The following SPEN variants were observed in gnomAD, a reference collection of about 807,000 sequenced individuals.
SPEN encodes msx2-interacting protein.
Under a neutral mutation model 269.9 loss-of-function variants are expected in SPEN, and 18 were observed. The ratio of observed to expected loss-of-function variants is 0.07; its 90% CI spans 0.05 to 0.10. SPEN has a LOEUF of 0.10. Ranked by LOEUF, SPEN falls within the 10% of genes least tolerant of loss-of-function variation. The pLI is 1.00. For synonymous variants in SPEN, 1,726 were observed against 1,765.7 expected (o/e 0.98, Z 0.56); for missense variants, 3,822 against 4,631.2 (o/e 0.83, Z 5.07).
At chr1:15,859,002 A>C (rs1300414593) in intron 1 of SPEN, among the ~76,000 whole-genome samples, 1 of 152,212 alleles carries the variant, frequency 6.6e-6, no homozygotes, top group Non-Finnish European at 1.5e-5. Flanking sequence ...ATTATATGTG[A>C]CATTGGTGTA....
chr1:15,920,516 G>T (rs895365245), intron 8 of SPEN, among the ~76,000 whole-genome samples: 14 of 152,042 alleles, frequency 9.2e-5, no homozygotes, highest in African/African-American at 3.1e-4. Context: ...TCCTTTCAAG[G>T]GTGTTTTTTG....
At chr1:15,920,765 T>C in intron 8 of SPEN, 105 bp from the exon 9 acceptor site, 1 of 437,920 alleles carries the variant, frequency 2.3e-6, no homozygotes, top group Non-Finnish European at 4.0e-6. Context: ...TATATAAAAA[T>C]ATATTTTTTC....
At chr1:15,864,084 A>G (rs1272570797) in intron 1 of SPEN, among the ~76,000 whole-genome samples, 2 of 152,172 alleles carry the variant, frequency 1.3e-5, no homozygotes, top group Non-Finnish European at 2.9e-5. Flanking sequence ...AAAAGAAGGA[A>G]AAGTGGACTG....
In SPEN at chr1:15,940,199, A is replaced by G; in HGVS notation, c.*772A>G. On this transcript the variant is annotated 3_prime_UTR_variant, in exon 15 of 15. Coordinates refer to ENST00000375759, the MANE Select transcript of SPEN (RefSeq NM_015001.3). ...TGCCAAAAATGTGTTTTCAGAGGAA[A>G]TCTTATTTTCATATTCAGACTTTGT... The G allele has an allele frequency of 4.3e-6, 1 of 231,302 alleles. No homozygotes were observed. Among genetic ancestry groups the G allele is most frequent in the Non-Finnish European group, 8.6e-6 (1 of 116,694 alleles). 14.3% of individuals were successfully genotyped at this position (231,302 alleles called of 1,614,324 possible).
At chr1:15,919,589 C>T (rs2071097628) in intron 8 of SPEN, 72 bp downstream of exon 8, 5 of 932,346 alleles carry the variant, frequency 5.4e-6, no homozygotes, top group Non-Finnish European at 8.0e-6. Context: ...CTTTCAGTCT[C>T]AGTTGGCTAG....
In SPEN at chr1:15,910,055, C is replaced by T. The variant is rs538005256; in HGVS notation, c.1042+574C>T. 8.9e-5 allele frequency among the ~76,000 whole-genome samples: 12 copies of T among 134,486 alleles called. No individual in the cohort carries two copies. In the East Asian group the frequency reaches 2.6e-3, roughly 29 times the overall value. The allele number at this position is 134,486 out of a possible 152,430, so 88.2% of individuals were successfully genotyped here. A position where few individuals can be genotyped will look rare whatever the true frequency, so the allele number is the denominator to read the frequency against. On this transcript the variant is annotated intron_variant, in intron 4 of 14. Transcript: ENST00000375759. Reference sequence around the variant, plus strand: ...AGGAGAATGGCGTGAACCCAGGAGGCGGAGTTTGCAGTGAGCTGAGGTCAG... The same window carrying T: ...AGGAGAATGGCGTGAACCCAGGAGGTGGAGTTTGCAGTGAGCTGAGGTCAG...
At chr1:15,872,367 C>T (rs971226605) in intron 1 of SPEN, among the ~76,000 whole-genome samples, 17 of 151,638 alleles carry the variant, frequency 1.1e-4, no homozygotes, top group East Asian at 3.9e-4. Context: ...CTAAGGCGGG[C>T]GGATCACGAG....
chr1:15,865,493 G>C, intron 1 of SPEN, among the ~76,000 whole-genome samples: 1 of 145,808 alleles, frequency 6.9e-6, no homozygotes, highest in Non-Finnish European at 1.5e-5. Flanking sequence ...CTGGATCTCA[G>C]CTCACTGCAG....
intron 1 of SPEN, among the ~76,000 whole-genome samples, chr1:15,849,860 TTCTC>T (rs2070315812): frequency 6.6e-6 from 1 of 152,176 alleles, no homozygotes; most frequent in Non-Finnish European, 1.5e-5. Context: ...CCTGTGGACT[TTCTC>T]TGTAGGTCTC....
intron 3 of SPEN, among the ~76,000 whole-genome samples, chr1:15,886,155 A>T (rs1419791295): frequency 6.6e-6 from 1 of 152,142 alleles, no homozygotes; most frequent in East Asian, 1.9e-4. Context: ...AGGTGTTGTC[A>T]GCTGCAGGGT....
At chr1:15,871,950 C>G (rs1454398251) in intron 1 of SPEN, among the ~76,000 whole-genome samples, 1 of 151,866 alleles carries the variant, frequency 6.6e-6, no homozygotes, top group Non-Finnish European at 1.5e-5. Flanking sequence ...AAGTGTATTT[C>G]AAGGCCGGGT....
chr1:15,905,820 G>A (rs1163590645), intron 3 of SPEN, among the ~76,000 whole-genome samples: 1 of 152,088 alleles, frequency 6.6e-6, no homozygotes, highest in Non-Finnish European at 1.5e-5. Flanking sequence ...TGATCTGCCT[G>A]CCTCAGCCTC....
chr1:15,893,313 TTA>T (rs1426332018), intron 3 of SPEN, among the ~76,000 whole-genome samples: 24 of 152,266 alleles, frequency 1.6e-4, no homozygotes, highest in African/African-American at 5.5e-4. Context: ...CTGTGATTCT[TTA>T]TATGTTATTT....
chr1:15,887,579 G>A (rs1313924470), intron 3 of SPEN, among the ~76,000 whole-genome samples: 1 of 151,304 alleles, frequency 6.6e-6, no homozygotes, highest in Non-Finnish European at 1.5e-5. Flanking sequence ...ACAGGCGTGA[G>A]CCACTGTGCC....
At chr1:15,916,645 T>C (rs1181330337) in intron 6 of SPEN, among the ~76,000 whole-genome samples, 1 of 151,902 alleles carries the variant, frequency 6.6e-6, no homozygotes, top group Admixed American at 6.6e-5. Context: ...CCTGAGTAGC[T>C]GGGACTGCAG....
chr1:15,893,130 A>C (rs1294943256), intron 3 of SPEN, among the ~76,000 whole-genome samples: 1 of 152,198 alleles, frequency 6.6e-6, no homozygotes, highest in Non-Finnish European at 1.5e-5. Flanking sequence ...AAACACTTTC[A>C]TCTGATGATC....
intron 1 of SPEN, among the ~76,000 whole-genome samples, chr1:15,858,187 C>G (rs1213350211): frequency 1.3e-5 from 2 of 150,762 alleles, no homozygotes; most frequent in East Asian, 1.9e-4. Context: ...CTCCTGGGCT[C>G]AAGTGATCCT....
rs1215369183 is a variant in SPEN at position 15,904,452 on chromosome 1, C to CAAAAAAAAAAAAAAAA, written c.882-4859_882-4844dup. On this transcript the variant is annotated intron_variant, in intron 3 of 14. Transcript: ENST00000375759. ...GGGCAATAAGAGCGAAACTCCATCT[C>CAAAAAAAAAAAAAAAA]AAAAAAAAAAAAAAAAAAAAAAAAA... Among the ~76,000 whole-genome samples the CAAAAAAAAAAAAAAAA allele has an allele frequency of 4.0e-3, 196 of 48,594 alleles. 5 individuals carry two copies. The highest frequency in any genetic ancestry group is 5.7e-3 in the Non-Finnish European group (136 of 23,720). The allele number at this position is 48,594 out of a possible 152,430, so 31.9% of individuals were successfully genotyped here.
chr1:15,911,083 T>C lies in SPEN; in HGVS notation c.1043-18T>C, dbSNP rs755234925. On this transcript the variant is annotated intron_variant, in intron 4 of 14. Transcript: ENST00000375759. ...TAAATTAGAAGAATTAATAACTTGG[T>C]TTTTTTTGGGAATTTAGATACAAGC... 6.4e-7 allele frequency: 1 copy of C among 1,572,568 alleles called. No homozygotes were observed. The highest frequency in any genetic ancestry group is 8.6e-7 in the Non-Finnish European group (1 of 1,157,656).
Sources: allele counts gnomAD v4.1 joint callset (sites outside exome capture counted in the v4.1 genomes callset), GRCh38; gene constraint gnomAD v4.1.1; transcripts MANE v1.5; gene names NCBI Gene and HGNC (gene_info 2026-07-23, HGNC 2026-07-21).